Variants in PTPRN2 observed in about 807,000 individuals in gnomAD.
The protein encoded by PTPRN2 is protein tyrosine phosphatase receptor type N2, also known as receptor-type tyrosine-protein phosphatase N2.
In PTPRN2, 74 loss-of-function variants were observed where a neutral mutation model predicts 118.8. The observed-to-expected ratio is 0.62, with a 90% confidence interval of 0.52 to 0.76. PTPRN2 has a LOEUF of 0.76. Among genes scored for constraint, PTPRN2 ranks in the 30% least tolerant of loss-of-function variants. The pLI, the probability that PTPRN2 is intolerant of heterozygous loss-of-function variation, is 0.00. For synonymous variants in PTPRN2, 641 were observed against 608.0 expected, an observed-to-expected ratio of 1.05 and a Z score of -0.80; for missense variants, 1,481 against 1,394.4, an observed-to-expected ratio of 1.06 and a Z score of -0.99.
intron 3 of PTPRN2, among the ~76,000 whole-genome samples, chr7:158,278,677 G>T (rs1799205367): frequency 6.6e-6 from 1 of 152,246 alleles, no homozygotes; most frequent in Non-Finnish European, 1.5e-5. Context: ...GAGTGTTACA[G>T]TTTTTAAAGA....
At chr7:158,057,508 C>T (rs754561104) in intron 11 of PTPRN2, among the ~76,000 whole-genome samples, 22 of 152,194 alleles carry the variant, frequency 1.4e-4, no homozygotes, top group Admixed American at 2.6e-4. Flanking sequence ...CACCTGCTGG[C>T]CCCACAACAG....
chr7:157,715,258 G>C (rs1798845262), intron 12 of PTPRN2, among the ~76,000 whole-genome samples: 1 of 152,204 alleles, frequency 6.6e-6, no homozygotes, highest in Non-Finnish European at 1.5e-5. Context: ...GGTCGTGGTG[G>C]GAATGAATGA....
intron 12 of PTPRN2, among the ~76,000 whole-genome samples, chr7:157,772,310 C>CAAAG (rs1279699833): frequency 0.019 from 1,540 of 79,700 alleles, 58 homozygotes; most frequent in East Asian, 0.13. Context: ...CATACAGACA[C>CAAAG]ACATAGACAC....
chr7:157,712,142 G>A (rs73516851), intron 12 of PTPRN2, among the ~76,000 whole-genome samples: 6,477 of 144,902 alleles, frequency 0.045, 343 homozygotes, highest in African/African-American at 0.11. Context: ...GGCTGGGGGC[G>A]GCCAGTCCTA....
intron 14 of PTPRN2, among the ~76,000 whole-genome samples, chr7:157,644,224 C>A (rs1165707965): frequency 2.0e-5 from 3 of 152,214 alleles, no homozygotes; most frequent in Non-Finnish European, 4.4e-5. Flanking sequence ...GAAGACAGAG[C>A]AGGATGTGCT....
intron 11 of PTPRN2, among the ~76,000 whole-genome samples, chr7:157,900,637 G>A (rs533509181): frequency 7.7e-4 from 117 of 152,298 alleles, no homozygotes; most frequent in Non-Finnish European, 1.3e-3. Flanking sequence ...TCCCCTGCCA[G>A]GATGCTCTGA....
At chr7:158,054,802 C>T (rs751685135) in intron 11 of PTPRN2, among the ~76,000 whole-genome samples, 13 of 152,262 alleles carry the variant, frequency 8.5e-5, no homozygotes, top group East Asian at 5.8e-4. Context: ...TGCCTGGGGG[C>T]GCGGGCACCA....
chr7:157,910,452 C>T (rs567857819), intron 11 of PTPRN2, among the ~76,000 whole-genome samples: 3 of 145,750 alleles, frequency 2.1e-5, no homozygotes, highest in Non-Finnish European at 3.0e-5. Context: ...CAGGCACGTA[C>T]GCCGGATCAC....
At chr7:158,255,543 G>A (rs1825896478) in intron 3 of PTPRN2, among the ~76,000 whole-genome samples, 1 of 152,218 alleles carries the variant, frequency 6.6e-6, no homozygotes, top group Non-Finnish European at 1.5e-5. Context: ...GAACTGCAGA[G>A]GACAGTATGT....
intron 4 of PTPRN2, among the ~76,000 whole-genome samples, chr7:158,194,154 TGA>T (rs1401650505): frequency 6.3e-4 from 93 of 147,086 alleles, no homozygotes; most frequent in African/African-American, 2.1e-3. Context: ...AGTGTGTGTG[TGA>T]GTGTGTGAGG....
chr7:158,178,589 C>CTTTTTTT (rs56710690), intron 5 of PTPRN2, among the ~76,000 whole-genome samples: 9 of 67,388 alleles, frequency 1.3e-4, no homozygotes, highest in African/African-American at 3.1e-4. Context: ...CATTTTCTTT[C>CTTTTTTT]TTTTTTTTTT....
At chr7:157,595,447 G>A (rs530634976) in intron 16 of PTPRN2, 132 bp from the exon 17 acceptor site, 7 of 771,058 alleles carry the variant, frequency 9.1e-6, no homozygotes, top group South Asian at 3.6e-5. Context: ...TAAGAAACCC[G>A]GAGGTTAGGA....
rs71543632 is a variant in PTPRN2 at position 158,089,574 on chromosome 7, T to C, written c.1644-8197A>G. Among the ~76,000 whole-genome samples, 313 of 65,600 alleles carry C rather than the reference T, an allele frequency of 4.8e-3. 2 individuals are homozygous for C. The highest frequency in any genetic ancestry group is 0.015 in the East Asian group (25 of 1,684). 43.0% of individuals were successfully genotyped at this position (65,600 alleles called of 152,430 possible). ...CTTCACACAAACCTTCTTCCCCTGATGAAAGAGGGAGTCTTCACACAAACC... is the reference window on the plus strand; with the variant it reads ...CTTCACACAAACCTTCTTCCCCTGACGAAAGAGGGAGTCTTCACACAAACC... On this transcript the variant is annotated intron_variant, in intron 10 of 22. Coordinates refer to ENST00000389418, the MANE Select transcript of PTPRN2 (RefSeq NM_002847.5).
intron 14 of PTPRN2, among the ~76,000 whole-genome samples, chr7:157,654,552 C>T (rs1805941394): frequency 6.6e-6 from 1 of 152,154 alleles, no homozygotes; most frequent in South Asian, 2.1e-4. Context: ...TGGTGAGACG[C>T]GTTCCGAAAC....
rs1800750444 is a variant in PTPRN2 at position 157,587,573 on chromosome 7, T to C, written c.2496+7665A>G. ...CAGCTGAGGCTTCATCACAGAATAC[T>C]TTTAGAAAGCAGAAACTAGAAATTG... On this transcript the variant is annotated intron_variant, in intron 17 of 22. Coordinates refer to ENST00000389418, the MANE Select transcript of PTPRN2 (RefSeq NM_002847.5). The surrounding 1 kb of genome is among the most constrained non-coding windows in gnomAD (Gnocchi z 5.3). Among the ~76,000 whole-genome samples the C allele has an allele frequency of 6.6e-6, 1 of 152,232 alleles. No individual in the cohort carries two copies. The highest frequency in any genetic ancestry group is 1.9e-4 in the East Asian group (1 of 5,204).
chr7:158,129,460 CAA>C (rs983619045), intron 9 of PTPRN2, among the ~76,000 whole-genome samples: 2 of 145,358 alleles, frequency 1.4e-5, no homozygotes, highest in African/African-American at 5.5e-5. Context: ...ACCACATATA[CAA>C]CACACTGTGC....
intron 12 of PTPRN2, among the ~76,000 whole-genome samples, chr7:157,762,114 G>C (rs988945899): frequency 1.8e-4 from 28 of 151,946 alleles, no homozygotes; most frequent in Non-Finnish European, 4.0e-4. Flanking sequence ...GAGAGGGTGT[G>C]GAGAAATAGG....
chr7:158,146,717 C>G (rs1224846290), intron 6 of PTPRN2, among the ~76,000 whole-genome samples: 1 of 142,608 alleles, frequency 7.0e-6, no homozygotes, highest in Non-Finnish European at 1.5e-5. Flanking sequence ...CGAGACTCTG[C>G]CTCAAAAAAA....
chr7:158,151,311 C>T (rs1349389935), intron 6 of PTPRN2, among the ~76,000 whole-genome samples: 3 of 62,674 alleles, frequency 4.8e-5, no homozygotes, highest in Admixed American at 1.7e-4. Context: ...CCTGCCCACA[C>T]CGCCCACCTT....
Sources: allele counts gnomAD v4.1 joint callset (sites outside exome capture counted in the v4.1 genomes callset), GRCh38; gene constraint gnomAD v4.1.1; non-coding constraint Gnocchi (gnomAD v3.1); transcripts MANE v1.5; gene names NCBI Gene and HGNC (gene_info 2026-07-23, HGNC 2026-07-21).